Variants in KANSL3 observed in about 807,000 individuals in gnomAD.
The protein encoded by KANSL3 is NSL complex protein NSL3.
Under a neutral mutation model 89.2 loss-of-function variants are expected in KANSL3, and 16 were observed. The observed-to-expected ratio is 0.18, with a 90% CI of 0.12 to 0.27. The LOEUF is 0.27. KANSL3 is among the 10% of genes least tolerant of loss of function. The pLI is 1.00. For synonymous variants in KANSL3, 385 were observed against 419.7 expected (o/e 0.92, Z 1.01); for missense variants, 879 against 1,110.6 (o/e 0.79, Z 2.96).
In KANSL3 at chr2:96,636,985, C is replaced by T; in HGVS notation, c.151G>A (p.Ala51Thr). The change falls in exon 2 of 21, where the codon GCC becomes ACC. Residue 51 changes from alanine to threonine, a missense_variant. Transcript: ENST00000431828. ...YAKPWSAHPD[A>T]SSARPTRMLF... ...ATGCGGGTGGGGCGGGCACTACTGG[C>T]ATCTGGGTGGGCACTCCAAGGCTTG... is the stretch of plus-strand genomic sequence containing the variant. 6.4e-7 allele frequency: 1 copy of T among 1,551,226 alleles called. No homozygotes were observed. Among genetic ancestry groups the T allele is most frequent in the Non-Finnish European group, 8.7e-7 (1 of 1,146,744 alleles).
At chr2:96,606,947 A>C (rs1472194798) in intron 14 of KANSL3, 1 of 1,244,070 alleles carries the variant, frequency 8.0e-7, no homozygotes, top group East Asian at 5.6e-5. Context: ...GTGGACGAGC[A>C]GGCAAGAAAG....
intron 14 of KANSL3, among the ~76,000 whole-genome samples, chr2:96,607,607 C>T (rs1432334885): frequency 2.6e-5 from 4 of 152,194 alleles, no homozygotes; most frequent in Admixed American, 2.6e-4. Context: ...GGCCTGGCCT[C>T]ATTTCTCAAC....
chr2:96,603,994 A>G (rs906852349), intron 17 of KANSL3: 30 of 360,144 alleles, frequency 8.3e-5, no homozygotes, highest in African/African-American at 4.8e-4. Flanking sequence ...TTCTCCTTAC[A>G]GTAGAGGATA....
chr2:96,636,311 T>C (rs1396930333), intron 2 of KANSL3, among the ~76,000 whole-genome samples: 1 of 152,226 alleles, frequency 6.6e-6, no homozygotes, highest in East Asian at 1.9e-4. Flanking sequence ...TTAGACCAAA[T>C]GTAACTGTAT....
intron 11 of KANSL3, chr2:96,610,318 A>ATT (rs761473352): frequency 6.3e-5 from 9 of 143,736 alleles, no homozygotes; most frequent in Non-Finnish European, 1.1e-4. Context: ...TCTTTTTTTA[A>ATT]TTTTTTTTTT....
Position 96,619,406 on chromosome 2 carries a change from G to A in KANSL3, c.616C>T (p.Pro206Ser), listed in dbSNP as rs1425211631. 3.1e-6 allele frequency: 5 copies of A among 1,613,510 alleles called. No homozygotes were observed. Among genetic ancestry groups the A allele is most frequent in the South Asian group, 2.2e-5 (2 of 90,960 alleles). Residue 206 changes from proline to serine, a missense_variant, in exon 5 of 21, where the codon CCC (proline) becomes TCC (serine). By Grantham distance (74) the Pro-to-Ser change is moderately conservative. Coordinates refer to ENST00000431828, the MANE Select transcript of KANSL3 (RefSeq NM_001115016.3). ...GCATCCAGGTAGGCTGCCAGCATGG[G>A]CAGACTCAAGGTCTCCACAAGGGTG... ...HTTLVETLSL[P>S]MLAAYLDALQ...
In KANSL3 at chr2:96,609,057, A is replaced by G. The variant is rs1446340893; in HGVS notation, c.1391T>C (p.Ile464Thr). The change falls in exon 13 of 21, where the codon ATT becomes ACT. Residue 464 changes from isoleucine to threonine, a missense_variant. Around this residue, in one of 6 missense-constraint regions of KANSL3, gnomAD observed 198 missense variants for 260.3 expected, o/e 0.76. Coordinates refer to ENST00000431828, the MANE Select transcript of KANSL3 (RefSeq NM_001115016.3). Reference sequence around the variant, plus strand: ...GAGCACTCCAGTCAGAAAGTCCACAATCTCATCCTAGTGTAGAGAGGAGCC... The same window carrying G: ...GAGCACTCCAGTCAGAAAGTCCACAGTCTCATCCTAGTGTAGAGAGGAGCC... Reference protein sequence around the residue: ...SMVDRCIQDEIVDFLTGVLTR... With the variant: ...SMVDRCIQDETVDFLTGVLTR... 7 of 1,557,420 alleles carry G rather than the reference A, an allele frequency of 4.5e-6. No homozygotes were observed. Among genetic ancestry groups the G allele is most frequent in the Non-Finnish European group, 6.1e-6 (7 of 1,150,298 alleles).
At chr2:96,637,330 T>G in intron 1 of KANSL3, 145 bp from the exon 2 acceptor site, 1 of 495,696 alleles carries the variant, frequency 2.0e-6, no homozygotes, top group South Asian at 3.3e-5. Context: ...GGACGGTTCG[T>G]GGAATCCCAC....
chr2:96,601,818 T>C, intron 19 of KANSL3, 42 bp from the exon 20 acceptor site: 1 of 1,517,742 alleles, frequency 6.6e-7, no homozygotes. Context: ...AGTCACACTC[T>C]CCACCTTCTA....
intron 2 of KANSL3, among the ~76,000 whole-genome samples, chr2:96,635,946 A>C (rs929784001): frequency 4.0e-5 from 6 of 151,862 alleles, no homozygotes; most frequent in Non-Finnish European, 8.8e-5. Flanking sequence ...GTGAGCCAAG[A>C]TCACACCACT....
chr2:96,603,788 T>C (rs2067539267), intron 17 of KANSL3: 1 of 153,114 alleles, frequency 6.5e-6, no homozygotes, highest in South Asian at 2.1e-4. Context: ...AGCTCTCAAT[T>C]ATCTGTGAGC....
chr2:96,621,514 GAA>G (rs766616219), intron 3 of KANSL3, among the ~76,000 whole-genome samples: 5 of 136,680 alleles, frequency 3.7e-5, no homozygotes, highest in Non-Finnish European at 4.8e-5. Flanking sequence ...ACTCTGTCTT[GAA>G]AAAAAAAAAA....
At chr2:96,612,080 C>T (rs979336840) in intron 9 of KANSL3, among the ~76,000 whole-genome samples, 1 of 152,028 alleles carries the variant, frequency 6.6e-6, no homozygotes, top group Non-Finnish European at 1.5e-5. Flanking sequence ...TATTATACTA[C>T]ACCTGCTTTT....
At chr2:96,611,811 T>C (rs1373860134) in intron 9 of KANSL3, among the ~76,000 whole-genome samples, 1 of 151,988 alleles carries the variant, frequency 6.6e-6, no homozygotes, top group Non-Finnish European at 1.5e-5. Context: ...CCAGCTACAA[T>C]TACTGTTGTT....
chr2:96,630,114 A>C (rs2073115282), intron 3 of KANSL3, among the ~76,000 whole-genome samples: 1 of 152,236 alleles, frequency 6.6e-6, no homozygotes, highest in South Asian at 2.1e-4. Flanking sequence ...ACAGTCTGGC[A>C]ATTCCTCAAA....
At chr2:96,591,474 T>A (rs1056258297), downstream of KANSL3, among the ~76,000 whole-genome samples, 1 of 152,252 alleles carries the variant, frequency 6.6e-6, no homozygotes, top group Admixed American at 6.5e-5. Flanking sequence ...TTCCTGGTTT[T>A]AATTTTGTAT....
the KANSL3 span, among the ~76,000 whole-genome samples, chr2:96,587,579 T>C: frequency 1.3e-5 from 2 of 152,118 alleles, no homozygotes. Context: ...GAAGATCGAG[T>C]TTCATAGATA....
chr2:96,627,285 G>C (rs1486411572), intron 3 of KANSL3, among the ~76,000 whole-genome samples: 1 of 151,956 alleles, frequency 6.6e-6, no homozygotes, highest in Non-Finnish European at 1.5e-5. Flanking sequence ...CACGATCTCG[G>C]CTCACTGCAA....
chr2:96,595,682 T>C, intron 20 of KANSL3, 51 bp from the exon 21 acceptor site: 1 of 1,601,696 alleles, frequency 6.2e-7, no homozygotes, highest in Non-Finnish European at 8.5e-7. Context: ...CAGGTTATCA[T>C]CATATTCAGA....
Sources: allele counts gnomAD v4.1 joint callset (sites outside exome capture counted in the v4.1 genomes callset), GRCh38; gene constraint gnomAD v4.1.1; regional missense constraint gnomAD v4.1.1; transcripts MANE v1.5; gene names NCBI Gene and HGNC (gene_info 2026-07-23, HGNC 2026-07-21).